Variants in ZNF44 observed in about 807,000 individuals in gnomAD.
ZNF44 encodes zinc finger protein 44, also known as gonadotropin inducible transcription repressor-2.
Under a neutral mutation model 11.7 loss-of-function variants are expected in ZNF44, and 9 were observed. The observed-to-expected ratio is 0.77, with a 90% CI of 0.46 to 1.35. The LOEUF is 1.35. ZNF44 is among the 40% of genes most tolerant of loss of function. The pLI, the probability that ZNF44 is intolerant of heterozygous loss-of-function variation, is 0.00. For missense variants in ZNF44, 696 were observed against 743.1 expected (o/e 0.94, Z 0.74); for synonymous variants, 224 against 242.7 (o/e 0.92, Z 0.72).
intron 1 of ZNF44, among the ~76,000 whole-genome samples, chr19:12,277,064 C>CA (rs1258472524): frequency 1.3e-5 from 2 of 151,980 alleles, no homozygotes; most frequent in Non-Finnish European, 2.9e-5. Flanking sequence ...TTGTAAGTAA[C>CA]AAAAAAACAG....
At chr19:12,250,803 T>C (rs1211793576) in intron 5 of ZNF44, 4 of 456,276 alleles carry the variant, frequency 8.8e-6, no homozygotes, top group Non-Finnish European at 1.8e-5. Context: ...ACTATTCCCA[T>C]CACTAAGCAT....
intron 1 of ZNF44, among the ~76,000 whole-genome samples, chr19:12,290,227 A>T (rs1322725976): frequency 6.6e-6 from 1 of 151,670 alleles, no homozygotes; most frequent in Non-Finnish European, 1.5e-5. Flanking sequence ...CTCTACTAAA[A>T]ATACAAAATT....
chr19:12,245,915 C>T (rs1383031522), downstream of ZNF44, among the ~76,000 whole-genome samples: 1 of 152,168 alleles, frequency 6.6e-6, no homozygotes, highest in East Asian at 1.9e-4. Context: ...ATACTTTGTC[C>T]TGACAATCAA....
chr19:12,224,731 A>T (rs1915847591), downstream of ZNF44: 2 of 152,198 alleles, frequency 1.3e-5, no homozygotes, highest in African/African-American at 4.8e-5. Context: ...CTGAGAGAGG[A>T]TTCTGGCTGG....
intron 5 of ZNF44, among the ~76,000 whole-genome samples, chr19:12,264,256 G>A (rs1362601974): frequency 6.6e-6 from 1 of 152,156 alleles, no homozygotes; most frequent in Non-Finnish European, 1.5e-5. Flanking sequence ...TTCCTTGATA[G>A]GTGTGAGTAT....
downstream of ZNF44, among the ~76,000 whole-genome samples, chr19:12,268,036 C>G (rs1387987746): frequency 6.6e-6 from 1 of 151,580 alleles, no homozygotes; most frequent in Non-Finnish European, 1.5e-5. Flanking sequence ...AGGGTTTCAC[C>G]ATGTTGGCCA....
intron 1 of ZNF44, among the ~76,000 whole-genome samples, chr19:12,279,921 TTGTGTG>T (rs60414721): frequency 4.9e-5 from 7 of 144,108 alleles, no homozygotes; most frequent in South Asian, 2.2e-4. Context: ...GAAATTCAGA[TTGTGTG>T]TGTGTGTGTG....
At chr19:12,285,236 A>C (rs1967680917) in intron 1 of ZNF44, 2 of 403,110 alleles carry the variant, frequency 5.0e-6, no homozygotes, top group Non-Finnish European at 4.4e-6. Flanking sequence ...AAAATGTATA[A>C]ACAGACATGT....
downstream of ZNF44, chr19:12,224,696 A>AAGAC (rs1915846071): frequency 1.3e-5 from 2 of 151,544 alleles, no homozygotes; most frequent in African/African-American, 4.8e-5. Flanking sequence ...TTGACAGTCA[A>AAGAC]AGACAGGTTT....
At chr19:12,261,833 C>A (rs1371752897) in intron 5 of ZNF44, among the ~76,000 whole-genome samples, 1 of 152,020 alleles carries the variant, frequency 6.6e-6, no homozygotes, top group African/African-American at 2.4e-5. Flanking sequence ...TTTTCTCAAC[C>A]CACACTTTCT....
exon 7 of ZNF44, chr19:12,250,010 T>G: frequency 1.6e-6 from 2 of 1,286,296 alleles, no homozygotes; most frequent in Non-Finnish European, 2.0e-6. Flanking sequence ...TGTACTGCTC[T>G]TCAATGTTCC....
At chr19:12,253,315 G>T (rs565217420) in intron 5 of ZNF44, among the ~76,000 whole-genome samples, 1 of 150,466 alleles carries the variant, frequency 6.6e-6, no homozygotes, top group East Asian at 2.0e-4. Flanking sequence ...TCAGCCTCCT[G>T]AGTAGCTGGG....
chr19:12,264,686 T>C (rs975751190), intron 5 of ZNF44, among the ~76,000 whole-genome samples: 6 of 152,180 alleles, frequency 3.9e-5, no homozygotes, highest in African/African-American at 1.4e-4. Flanking sequence ...ATGTAATCAA[T>C]AGTTAATTAT....
At chr19:12,260,317 A>T in intron 5 of ZNF44, 1 of 884,432 alleles carries the variant, frequency 1.1e-6, no homozygotes, top group Non-Finnish European at 1.9e-6. Flanking sequence ...GTGGTCACGA[A>T]GCAGAGATCC....
At chr19:12,269,488 C>T (rs1440457631), downstream of ZNF44, among the ~76,000 whole-genome samples, 1 of 152,148 alleles carries the variant, frequency 6.6e-6, no homozygotes, top group East Asian at 1.9e-4. Context: ...CACCATTGCA[C>T]TCCAGCCTGG....
chr19:12,267,986 G>A (rs1031700066), downstream of ZNF44, among the ~76,000 whole-genome samples: 4 of 151,682 alleles, frequency 2.6e-5, no homozygotes, highest in South Asian at 2.1e-4. Context: ...ACAGGCGAGC[G>A]TGACCACACC....
chr19:12,272,629 A>G lies in ZNF44; in HGVS notation c.1626T>C (p.Phe542=). 6.2e-7 allele frequency: 1 copy of G among 1,613,432 alleles called. No individual in the cohort carries two copies. The highest frequency in any genetic ancestry group is 8.5e-7 in the Non-Finnish European group (1 of 1,179,740). The change falls in exon 4 of 4, where the codon TTT becomes TTC. Residue 542 remains phenylalanine, a synonymous_variant. Transcript: ENST00000355684. ...CATGTCTTAGAAGGAAAGAGGGCCA[A>G]AAGAATGCTTTCCTGCATTGCTTAC... The part of the protein sequence containing the change: ...YECKQCRKAF[F]WPSFLLRHER...
chr19:12,284,956 G>C lies in ZNF44; in HGVS notation c.4-8874C>G, dbSNP rs1276379109. ...CCCAAGAAGCTGCTCATGATGGCTG[G>C]TATCAGTGACTGATACACCTCAGCC... On this transcript the variant is annotated intron_variant, in intron 1 of 3. Transcript: ENST00000355684. 7 of 732,384 alleles carry C rather than the reference G, an allele frequency of 9.6e-6. No individual in the cohort carries two copies. The Admixed American group carries it at 1.2e-4, about 12-fold the overall frequency. The allele number at this position is 732,384 out of a possible 1,614,324, so 45.4% of individuals were successfully genotyped here. A position where few individuals can be genotyped will look rare whatever the true frequency, so the allele number is the denominator to read the frequency against.
At chr19:12,264,344 G>C (rs544792009) in intron 5 of ZNF44, among the ~76,000 whole-genome samples, 1 of 152,210 alleles carries the variant, frequency 6.6e-6, no homozygotes, top group South Asian at 2.1e-4. Flanking sequence ...GAACCACCTG[G>C]GTCTTAATTA....
Sources: allele counts gnomAD v4.1 joint callset (sites outside exome capture counted in the v4.1 genomes callset), GRCh38; gene constraint gnomAD v4.1.1; transcripts MANE v1.5; gene names NCBI Gene and HGNC (gene_info 2026-07-23, HGNC 2026-07-21).